PTPN2: variants seen among roughly 807,000 people sequenced by gnomAD.
PTPN2 encodes the protein tyrosine-protein phosphatase non-receptor type 2.
In PTPN2, 19 loss-of-function variants were observed where a neutral mutation model predicts 57.3. The observed-to-expected ratio is 0.33, with a 90% confidence interval of 0.23 to 0.49. The LOEUF (loss-of-function observed/expected upper bound fraction) is 0.49. Ranked by LOEUF, PTPN2 falls within the 20% of genes least tolerant of loss-of-function variation. PTPN2 has a pLI of 0.99. For synonymous variants in PTPN2, 153 were observed against 164.9 expected, an observed-to-expected ratio of 0.93 and a Z score of 0.55; for missense variants, 358 against 501.1, an observed-to-expected ratio of 0.71 and a Z score of 2.73.
In PTPN2 at chr18:12,870,462, T is replaced by TAGAGAG. The variant is rs762120431; in HGVS notation, c.70-11214_70-11209dup. On this transcript the variant is annotated intron_variant, in intron 1 of 8. Coordinates refer to ENST00000309660, the MANE Select transcript of PTPN2 (RefSeq NM_002828.4). ...ATGTGTATATATATATATATATATA[T>TAGAGAG]AGAGAGAGAGAGAGAGAGAGAGAGA... 2.1e-3 allele frequency among the ~76,000 whole-genome samples: 37 copies of TAGAGAG among 17,684 alleles called. 1 individual carries two copies. The highest frequency in any genetic ancestry group is 6.1e-3 in the Admixed American group (5 of 814). The allele number at this position is 17,684 out of a possible 152,430, so 11.6% of individuals were successfully genotyped here. A position where few individuals can be genotyped will look rare whatever the true frequency, so the allele number is the denominator to read the frequency against.
At chr18:12,868,132 T>C (rs967969906) in intron 1 of PTPN2, among the ~76,000 whole-genome samples, 1 of 152,230 alleles carries the variant, frequency 6.6e-6, no homozygotes, top group African/African-American at 2.4e-5. Flanking sequence ...CACTGCGCTT[T>C]GGTCACTTCA....
intron 2 of PTPN2, among the ~76,000 whole-genome samples, chr18:12,838,347 T>C (rs1182419562): frequency 6.6e-6 from 1 of 152,158 alleles, no homozygotes; most frequent in East Asian, 1.9e-4. Flanking sequence ...TTACCCCACA[T>C]GGCACCACCC....
intron 7 of PTPN2, among the ~76,000 whole-genome samples, chr18:12,802,374 A>G (rs535077598): frequency 7.9e-5 from 12 of 152,350 alleles, no homozygotes; most frequent in African/African-American, 2.9e-4. Context: ...ATTTATGTAC[A>G]TGAGTATATA....
intron 1 of PTPN2, among the ~76,000 whole-genome samples, chr18:12,865,847 T>A (rs1598876763): frequency 6.6e-6 from 1 of 151,436 alleles, no homozygotes; most frequent in African/African-American, 2.4e-5. Context: ...AACTAAAGGT[T>A]AAAATGATGT....
intron 5 of PTPN2, among the ~76,000 whole-genome samples, chr18:12,822,594 T>TA (rs2042308340): frequency 6.6e-6 from 1 of 152,174 alleles, no homozygotes; most frequent in East Asian, 1.9e-4. Context: ...AGGGCTTGCT[T>TA]AGACAACAGC....
intron 7 of PTPN2, among the ~76,000 whole-genome samples, chr18:12,805,662 T>C (rs922063279): frequency 1.4e-5 from 2 of 145,108 alleles, no homozygotes; most frequent in Non-Finnish European, 3.0e-5. Context: ...TTTTTTGAGA[T>C]GGAGTCTTGC....
chr18:12,801,237 G>A (rs1899280186), intron 8 of PTPN2, among the ~76,000 whole-genome samples: 1 of 152,200 alleles, frequency 6.6e-6, no homozygotes, highest in Non-Finnish European at 1.5e-5. Context: ...ATTTGGCTGG[G>A]CACGGTGGCT....
chr18:12,857,218 G>A (rs747289653), intron 2 of PTPN2, among the ~76,000 whole-genome samples: 11 of 152,154 alleles, frequency 7.2e-5, no homozygotes, highest in Admixed American at 2.6e-4. Flanking sequence ...CAAGGAGACT[G>A]TGGCCCCAGA....
chr18:12,874,221 CCCGGCCAGCCGCCCCGT>C (rs1247437020), intron 1 of PTPN2, among the ~76,000 whole-genome samples: 2 of 149,346 alleles, frequency 1.3e-5, no homozygotes, highest in African/African-American at 5.0e-5. Context: ...CAGCCCCCCG[CCCGGCCAGCCGCCCCGT>C]CCGGGAGGGA....
intron 2 of PTPN2, chr18:12,841,015 G>A: frequency 7.3e-7 from 1 of 1,377,144 alleles, no homozygotes; most frequent in South Asian, 1.6e-5. Flanking sequence ...TAACCTATAG[G>A]GATCTAAAGG....
At position 12,814,220 on chromosome 18, in the gene PTPN2, C is replaced by T. The variant is rs768347316; in HGVS notation, c.841G>A (p.Gly281Arg). 23 of 1,595,522 alleles carry T rather than the reference C, an allele frequency of 1.4e-5. No homozygotes were observed. Among genetic ancestry groups the T allele is most frequent in the Non-Finnish European group, 2.0e-5 (23 of 1,167,400 alleles). ...AIIEGAKCIK[G>R]DSSIQKRWKE... is the part of the protein sequence containing the mutation. Reference sequence around the variant, plus strand: ...AAGTTTACCTGTATACTAGAATCTCCCTTTATACATTTTGCTCCTTCTATT... The same window carrying T: ...AAGTTTACCTGTATACTAGAATCTCTCTTTATACATTTTGCTCCTTCTATT... The change falls in exon 7 of 9, where the codon GGA becomes AGA. Residue 281 changes from glycine to arginine, a missense_variant. By Grantham distance (125) the Gly-to-Arg change is moderately radical (BLOSUM62 -2). This residue lies in a region of PTPN2 where 193 missense variants were observed against 315.4 expected (regional missense o/e 0.61). Transcript: ENST00000309660.
At chr18:12,872,220 A>G (rs1394236567) in intron 1 of PTPN2, 2 of 152,194 alleles carry the variant, frequency 1.3e-5, no homozygotes, top group Non-Finnish European at 2.9e-5. Flanking sequence ...GGAATCCTGT[A>G]GCCTTACCTC....
rs187487231 is a variant in PTPN2, at chr18:12,822,496, G to A, written c.495+3314C>T. Among the ~76,000 whole-genome samples the A allele has an allele frequency of 3.3e-5, 5 of 152,274 alleles. No homozygotes were observed. The South Asian group carries it at 6.2e-4, about 19-fold the overall frequency. Reference sequence around the variant, plus strand: ...GCCGAGATGCAATCTCTTCTTCAGGGGCAAGAGTTCAAACTTTTAGCTTTA... The same window carrying A: ...GCCGAGATGCAATCTCTTCTTCAGGAGCAAGAGTTCAAACTTTTAGCTTTA... On this transcript the variant is annotated intron_variant, in intron 5 of 8. Coordinates refer to ENST00000309660, the MANE Select transcript of PTPN2 (RefSeq NM_002828.4).
chr18:12,794,709 C>T (rs2041101845), intron 8 of PTPN2, among the ~76,000 whole-genome samples: 1 of 152,106 alleles, frequency 6.6e-6, no homozygotes, highest in Admixed American at 6.5e-5. Context: ...GCAACCTCTG[C>T]CTCCCACGCT....
At chr18:12,859,778 C>A (rs1598864568) in intron 1 of PTPN2, among the ~76,000 whole-genome samples, 2 of 152,218 alleles carry the variant, frequency 1.3e-5, no homozygotes, top group Admixed American at 1.3e-4. Context: ...TATTTTGAAC[C>A]CAGAAATATC....
At chr18:12,838,216 A>C (rs948725329) in intron 2 of PTPN2, among the ~76,000 whole-genome samples, 1 of 152,224 alleles carries the variant, frequency 6.6e-6, no homozygotes, top group Non-Finnish European at 1.5e-5. Flanking sequence ...TAATCACAGA[A>C]AGAACACTAA....
chr18:12,817,514 A>G, intron 5 of PTPN2, 149 bp from the exon 6 acceptor site: 1 of 663,176 alleles, frequency 1.5e-6, no homozygotes, highest in Non-Finnish European at 2.6e-6. Flanking sequence ...ACAATCCCAT[A>G]TACAAACTAG....
intron 1 of PTPN2, among the ~76,000 whole-genome samples, chr18:12,876,786 G>A (rs891107878): frequency 1.3e-5 from 2 of 152,180 alleles, no homozygotes; most frequent in Non-Finnish European, 2.9e-5. Context: ...AGCAGTTTCA[G>A]GAGATTTGCA....
intron 2 of PTPN2, among the ~76,000 whole-genome samples, chr18:12,847,572 T>C (rs915140310): frequency 3.3e-5 from 5 of 152,140 alleles, no homozygotes; most frequent in African/African-American, 4.8e-5. Context: ...GAATAAATTA[T>C]TAACATCATA....
Sources: allele counts gnomAD v4.1 joint callset (sites outside exome capture counted in the v4.1 genomes callset), GRCh38; gene constraint gnomAD v4.1.1; regional missense constraint gnomAD v4.1.1; transcripts MANE v1.5; gene names NCBI Gene and HGNC (gene_info 2026-07-23, HGNC 2026-07-21).